Variants in SRPRB observed in about 807,000 individuals in gnomAD.
The protein encoded by SRPRB is signal recognition particle receptor subunit beta.
In SRPRB, 20 loss-of-function variants were observed where a neutral mutation model predicts 31.9. The ratio of observed to expected loss-of-function variants is 0.63; its 90% CI spans 0.44 to 0.91. SRPRB has a LOEUF of 0.91. Among genes scored for constraint, SRPRB ranks in the 40% least tolerant of loss-of-function variants. The probability of loss-of-function intolerance (pLI) is 0.00; values close to 1 mark genes in which losing one functional copy is unlikely to be tolerated. For synonymous variants in SRPRB, 146 were observed against 132.8 expected, an observed-to-expected ratio of 1.10 and a Z score of -0.68; for missense variants, 321 against 324.9, an observed-to-expected ratio of 0.99 and a Z score of 0.09.
downstream of SRPRB, chr3:133,824,679 A>C (rs1378713208): frequency 6.6e-6 from 1 of 152,208 alleles, no homozygotes; most frequent in Non-Finnish European, 1.5e-5. Flanking sequence ...CATGACAATC[A>C]ATCAGAGTAG....
At chr3:133,797,083 T>G (rs1934987830) in intron 1 of SRPRB, among the ~76,000 whole-genome samples, 1 of 152,182 alleles carries the variant, frequency 6.6e-6, no homozygotes, top group African/African-American at 2.4e-5. Context: ...TCATGATGTG[T>G]GAAAAAGCAT....
intron 1 of SRPRB, 120 bp downstream of exon 1, chr3:133,806,122 A>C: frequency 7.7e-7 from 1 of 1,297,436 alleles, no homozygotes; most frequent in Non-Finnish European, 1.0e-6. Flanking sequence ...CAGGAGGGTG[A>C]GACCCACCCA....
chr3:133,816,527 C>T (rs180843398), intron 5 of SRPRB, among the ~76,000 whole-genome samples: 2 of 152,276 alleles, frequency 1.3e-5, no homozygotes, highest in East Asian at 3.9e-4. Flanking sequence ...TGTCTTTTGG[C>T]ATGTGAAGGC....
rs1935454020 is a variant in SRPRB, at chr3:133,820,594, A to G, written c.*828A>G. 6.6e-6 allele frequency: 1 copy of G among 152,300 alleles called. No homozygotes were observed. Among genetic ancestry groups the G allele is most frequent in the African/African-American group, 2.4e-5 (1 of 41,566 alleles). The allele number at this position is 152,300 out of a possible 1,614,324, so 9.4% of individuals were successfully genotyped here. A position where few individuals can be genotyped will look rare whatever the true frequency, so the allele number is the denominator to read the frequency against. ...TGTACTCCTGGCTAGAATGCTGTGG[A>G]ACAAATACAAAGTGAAAAAAGTTCT... On this transcript the variant is annotated 3_prime_UTR_variant, in exon 7 of 7. Coordinates refer to ENST00000678299, the MANE Select transcript of SRPRB (RefSeq NM_001379313.1).
At chr3:133,787,524 T>A (rs1192073562) in intron 1 of SRPRB, 1 of 152,254 alleles carries the variant, frequency 6.6e-6, no homozygotes, top group Non-Finnish European at 1.5e-5. Context: ...AAATGCTTGA[T>A]GTATTTAAAA....
chr3:133,806,556 T>TA, intron 1 of SRPRB, 53 bp from the exon 2 acceptor site: 1 of 1,426,594 alleles, frequency 7.0e-7, no homozygotes, highest in Non-Finnish European at 9.9e-7. Flanking sequence ...GCCATGCACA[T>TA]ATACTGATTC....
intron 6 of SRPRB, 81 bp downstream of exon 6, chr3:133,817,013 T>G: frequency 1.8e-6 from 2 of 1,101,222 alleles, no homozygotes; most frequent in Non-Finnish European, 2.6e-6. Flanking sequence ...TTCTTTTGTT[T>G]GGTTTTATGT....
downstream of SRPRB, among the ~76,000 whole-genome samples, chr3:133,822,180 C>T (rs562142682): frequency 2.6e-5 from 4 of 151,978 alleles, no homozygotes; most frequent in Admixed American, 6.6e-5. Context: ...CAACTAGGCA[C>T]GACTGTATGA....
chr3:133,819,707 G>C lies in SRPRB; in HGVS notation c.757G>C (p.Gly253Arg). ...GGAGTGCAGTGCCAAGGGTGGAAGA[G>C]GGGACGTGGGCTCTGCTGACATCCA... Reference protein sequence around the residue: ...FLECSAKGGRGDVGSADIQDL... With the variant: ...FLECSAKGGRRDVGSADIQDL... The change falls in exon 7 of 7, where the codon GGG (glycine) becomes CGG (arginine). Residue 253 changes from glycine (G) to arginine (R), a missense_variant. Physicochemically the swap from Gly to Arg is moderately radical, Grantham distance 125. Coordinates refer to ENST00000678299, the MANE Select transcript of SRPRB (RefSeq NM_001379313.1). 12 of 1,614,098 alleles carry C rather than the reference G, an allele frequency of 7.4e-6. No homozygotes were observed. Among genetic ancestry groups the C allele is most frequent in the Non-Finnish European group, 1.0e-5 (12 of 1,179,976 alleles).
intron 4 of SRPRB, among the ~76,000 whole-genome samples, chr3:133,814,612 T>C (rs547329702): frequency 6.6e-6 from 1 of 152,176 alleles, no homozygotes; most frequent in African/African-American, 2.4e-5. Context: ...CTAATTGTTA[T>C]ATTTTTAGTA....
rs1479609009 is a variant in SRPRB at position 133,818,352 on chromosome 3, A to G, written c.603-1201A>G. 3.3e-5 allele frequency among the ~76,000 whole-genome samples: 5 copies of G among 152,362 alleles called. No individual in the cohort carries two copies. In the South Asian group the frequency reaches 1.0e-3, roughly 32 times the overall value. On this transcript the variant is annotated intron_variant, in intron 6 of 6. Coordinates refer to ENST00000678299, the MANE Select transcript of SRPRB (RefSeq NM_001379313.1). ...TAGACTTAGAGAAAAACAATACAGA[A>G]GCCAATCCTTTTTTAAAAGCATTGA...
intron 1 of SRPRB, chr3:133,795,574 T>TTA (rs1487073939): frequency 7.0e-6 from 1 of 143,156 alleles, no homozygotes; most frequent in East Asian, 2.0e-4. Context: ...AGTGGAATTT[T>TTA]TTTTTTTTTT....
chr3:133,815,486 G>A, intron 4 of SRPRB, 104 bp from the exon 5 acceptor site: 7 of 1,383,980 alleles, frequency 5.1e-6, no homozygotes, highest in Non-Finnish European at 6.1e-6. Flanking sequence ...TCTGCTGAGT[G>A]TTAATCACCA....
Position 133,820,077 on chromosome 3 carries a change from G to A in SRPRB, c.*311G>A, listed in dbSNP as rs1935444413. ...GGCAGACTCCACACAGAGAGGATAT[G>A]ATGAGAATATGGCCATCACCTGAAA... On this transcript the variant is annotated 3_prime_UTR_variant, in exon 7 of 7. Coordinates refer to ENST00000678299, the MANE Select transcript of SRPRB (RefSeq NM_001379313.1). 6.5e-6 allele frequency: 2 copies of A among 307,926 alleles called. No individual in the cohort carries two copies. Among genetic ancestry groups the A allele is most frequent in the Non-Finnish European group, 1.2e-5 (2 of 162,772 alleles). 19.1% of individuals were successfully genotyped at this position (307,926 alleles called of 1,614,324 possible). A position where few individuals can be genotyped will look rare whatever the true frequency, so the allele number is the denominator to read the frequency against.
At chr3:133,821,817 T>C (rs991159676), downstream of SRPRB, among the ~76,000 whole-genome samples, 3 of 152,180 alleles carry the variant, frequency 2.0e-5, no homozygotes, top group Non-Finnish European at 4.4e-5. Flanking sequence ...CTAGAGATGA[T>C]CTGGCCTGGA....
Position 133,820,899 on chromosome 3 carries a change from C to G in SRPRB, c.*1133C>G, listed in dbSNP as rs1935460646. On this transcript the variant is annotated 3_prime_UTR_variant, in exon 7 of 7. Coordinates refer to ENST00000678299, the MANE Select transcript of SRPRB (RefSeq NM_001379313.1). ...CACACTCCTATTCCTACCCCACACA[C>G]TCAGGGACAAGCCCAACTAAAGCTT... 1 of 152,280 alleles carries G rather than the reference C, an allele frequency of 6.6e-6. No individual in the cohort carries two copies. Among genetic ancestry groups the G allele is most frequent in the African/African-American group, 2.4e-5 (1 of 41,414 alleles). 9.4% of individuals were successfully genotyped at this position (152,280 alleles called of 1,614,324 possible). A position where few individuals can be genotyped will look rare whatever the true frequency, so the allele number is the denominator to read the frequency against.
upstream of SRPRB, among the ~76,000 whole-genome samples, chr3:133,803,225 A>G (rs1935088393): frequency 6.6e-6 from 1 of 151,994 alleles, no homozygotes; most frequent in South Asian, 2.1e-4. Context: ...TCTGTCAATT[A>G]TCTATGTCAC....
At chr3:133,811,335 G>C in intron 4 of SRPRB, 136 bp downstream of exon 4, 1 of 723,420 alleles carries the variant, frequency 1.4e-6, no homozygotes, top group Admixed American at 3.1e-5. Flanking sequence ...CTTGGGGTCA[G>C]CCAGTTCTGG....
chr3:133,818,439 C>T (rs1935403377), intron 6 of SRPRB, among the ~76,000 whole-genome samples: 1 of 152,138 alleles, frequency 6.6e-6, no homozygotes, highest in South Asian at 2.1e-4. Flanking sequence ...AGGTTAACAT[C>T]AGTTAAAATT....
Sources: gnomAD v4.1 joint callset for allele counts (sites outside exome capture counted in the v4.1 genomes callset) on GRCh38, gnomAD v4.1.1 for gene constraint, MANE v1.5 for transcripts, NCBI Gene and HGNC (gene_info 2026-07-23, HGNC 2026-07-21) for gene names.